KCNIP4: variants seen among roughly 807,000 people sequenced by gnomAD.
KCNIP4 encodes Kv channel-interacting protein 4.
KCNIP4 carries 12 observed loss-of-function variants against 34.0 expected under a neutral mutation model. The observed-to-expected ratio is 0.35, with a 90% CI of 0.23 to 0.57. The LOEUF (loss-of-function observed/expected upper bound fraction) is 0.57. KCNIP4 is among the 20% of genes least tolerant of loss of function. The probability of loss-of-function intolerance (pLI) is 0.83; values close to 1 mark genes in which losing one functional copy is unlikely to be tolerated. For missense variants in KCNIP4, 238 were observed against 311.7 expected, an observed-to-expected ratio of 0.76 and a Z score of 1.78; for synonymous variants, 124 against 102.2, an observed-to-expected ratio of 1.21 and a Z score of -1.29.
intron 1 of KCNIP4, among the ~76,000 whole-genome samples, chr4:21,795,835 A>C (rs1230648840): frequency 1.3e-5 from 2 of 152,206 alleles, no homozygotes; most frequent in Non-Finnish European, 2.9e-5. Context: ...TGGGAGGCTG[A>C]GGCAGGTGGA....
intron 1 of KCNIP4, among the ~76,000 whole-genome samples, chr4:21,571,084 A>T (rs572288430): frequency 6.6e-6 from 1 of 152,232 alleles, no homozygotes; most frequent in South Asian, 2.1e-4. Flanking sequence ...TCACCTCAAG[A>T]CTCAAGTGCC....
At chr4:21,078,128 G>C (rs1251988783) in intron 1 of KCNIP4, among the ~76,000 whole-genome samples, 1 of 152,018 alleles carries the variant, frequency 6.6e-6, no homozygotes, top group African/African-American at 2.4e-5. Flanking sequence ...TGAGTAAAAT[G>C]ATGACACATA....
At chr4:21,779,628 G>A (rs552111057) in intron 1 of KCNIP4, among the ~76,000 whole-genome samples, 2 of 152,250 alleles carry the variant, frequency 1.3e-5, no homozygotes, top group South Asian at 4.1e-4. Context: ...AATGGAACCA[G>A]CACGATAGTT....
At chr4:21,859,576 C>T (rs184799342) in intron 1 of KCNIP4, among the ~76,000 whole-genome samples, 2 of 151,110 alleles carry the variant, frequency 1.3e-5, no homozygotes, top group East Asian at 3.9e-4. Flanking sequence ...TGCAGTGAGC[C>T]GAGATCGCGC....
chr4:21,905,754 A>C (rs1275562129), intron 1 of KCNIP4, among the ~76,000 whole-genome samples: 1 of 152,218 alleles, frequency 6.6e-6, no homozygotes, highest in Non-Finnish European at 1.5e-5. Flanking sequence ...CAGGTGTCAC[A>C]AATAAATGAG....
intron 1 of KCNIP4, among the ~76,000 whole-genome samples, chr4:21,383,721 T>C (rs753220426): frequency 6.6e-6 from 1 of 152,112 alleles, no homozygotes; most frequent in Admixed American, 6.6e-5. Context: ...TGCCTATTCA[T>C]TGGTTTTCCT....
At chr4:21,201,017 A>G (rs1756452891) in intron 1 of KCNIP4, among the ~76,000 whole-genome samples, 1 of 152,166 alleles carries the variant, frequency 6.6e-6, no homozygotes, top group Non-Finnish European at 1.5e-5. Flanking sequence ...CACCCAGTGA[A>G]TAAGAGGTTG....
chr4:20,729,943 T>TTTATATTAAAACAAAGC lies in KCNIP4; in HGVS notation c.*122_*138dup. 1 of 1,006,022 alleles carries TTTATATTAAAACAAAGC rather than the reference T, an allele frequency of 9.9e-7. No homozygotes were observed. Among genetic ancestry groups the TTTATATTAAAACAAAGC allele is most frequent in the Non-Finnish European group, 1.4e-6 (1 of 731,002 alleles). 62.3% of individuals were successfully genotyped at this position (1,006,022 alleles called of 1,614,324 possible). A position where few individuals can be genotyped will look rare whatever the true frequency, so the allele number is the denominator to read the frequency against. On this transcript the variant is annotated 3_prime_UTR_variant, in exon 9 of 9. Transcript: ENST00000382152. The stretch of plus-strand genomic sequence containing the variant: ...AAAGCTCAAATCTTTTGGGGATTGC[T>TTTATATTAAAACAAAGC]TTATATTAAAACAAAGCTTGTTTGC...
At chr4:20,949,570 G>A (rs559649885) in intron 1 of KCNIP4, among the ~76,000 whole-genome samples, 6 of 151,960 alleles carry the variant, frequency 3.9e-5, no homozygotes, top group Middle Eastern at 3.4e-3. Context: ...TATGTTTATC[G>A]CGGCACTATT....
intron 1 of KCNIP4, among the ~76,000 whole-genome samples, chr4:21,881,142 C>A (rs1002842000): frequency 2.0e-5 from 3 of 152,034 alleles, no homozygotes; most frequent in Non-Finnish European, 2.9e-5. Context: ...AAAAGAAATT[C>A]TCTTATTTCA....
intron 1 of KCNIP4, among the ~76,000 whole-genome samples, chr4:21,044,865 G>C (rs1041569978): frequency 6.6e-6 from 1 of 152,166 alleles, no homozygotes; most frequent in African/African-American, 2.4e-5. Context: ...TATGTAGCTA[G>C]AGATTAGGTT....
rs538778565 is a variant in KCNIP4 at position 21,009,937 on chromosome 4, G to A, written c.62-127228C>T. Among the ~76,000 whole-genome samples, 23 of 152,310 alleles carry A rather than the reference G, an allele frequency of 1.5e-4. No individual in the cohort carries two copies. The East Asian group carries it at 4.2e-3, about 28-fold the overall frequency. ...ACATCTGCCATAACAAAATACCAAA[G>A]ACTGGGTGGCTTAAACAACAGGTAT... On this transcript the variant is annotated intron_variant, in intron 1 of 8. Transcript: ENST00000382152.
chr4:21,340,920 C>G (rs1315162192), intron 1 of KCNIP4, among the ~76,000 whole-genome samples: 1 of 152,004 alleles, frequency 6.6e-6, no homozygotes, highest in African/African-American at 2.4e-5. Flanking sequence ...AATAGTATCC[C>G]AAAATATTAA....
intron 1 of KCNIP4, among the ~76,000 whole-genome samples, chr4:21,607,818 C>T (rs916978387): frequency 6.6e-6 from 1 of 152,032 alleles, no homozygotes; most frequent in Admixed American, 6.6e-5. Context: ...CTATGCTTAC[C>T]CTGAATTTTT....
At position 20,730,063 on chromosome 4, in the gene KCNIP4, T is replaced by G. The variant is rs1487809426; in HGVS notation, c.*19A>C. 4 of 1,604,590 alleles carry G rather than the reference T, an allele frequency of 2.5e-6. No individual in the cohort carries two copies. Among genetic ancestry groups the G allele is most frequent in the Non-Finnish European group, 3.4e-6 (4 of 1,176,824 alleles). On this transcript the variant is annotated 3_prime_UTR_variant, in exon 9 of 9. Transcript: ENST00000382152. ...AATAGTTCACATTTGTCTGTTGGAT[T>G]CAGGATCTATTTGACAAGTTAAATC...
chr4:21,677,582 G>T (rs1750008115), intron 1 of KCNIP4, among the ~76,000 whole-genome samples: 1 of 152,086 alleles, frequency 6.6e-6, no homozygotes, highest in East Asian at 1.9e-4. Context: ...CCACTCAAAG[G>T]CCTGTAGGGC....
At chr4:21,672,343 G>C (rs2109010298) in intron 1 of KCNIP4, among the ~76,000 whole-genome samples, 1 of 143,472 alleles carries the variant, frequency 7.0e-6, no homozygotes, top group Non-Finnish European at 1.5e-5. Flanking sequence ...GTGAGACCAT[G>C]GGAAAATTTC....
At chr4:20,884,851 C>T (rs556488502) in intron 1 of KCNIP4, among the ~76,000 whole-genome samples, 2 of 152,006 alleles carry the variant, frequency 1.3e-5, no homozygotes, top group Non-Finnish European at 2.9e-5. Flanking sequence ...CAGGTGCATG[C>T]CACCATGCCT....
chr4:21,170,436 C>T (rs1401516485), intron 1 of KCNIP4, among the ~76,000 whole-genome samples: 1 of 152,044 alleles, frequency 6.6e-6, no homozygotes, highest in Non-Finnish European at 1.5e-5. Flanking sequence ...CACTAAAAAG[C>T]AATATTTGGG....
Sources: allele counts gnomAD v4.1 joint callset (sites outside exome capture counted in the v4.1 genomes callset), GRCh38; gene constraint gnomAD v4.1.1; transcripts MANE v1.5; gene names NCBI Gene and HGNC (gene_info 2026-07-23, HGNC 2026-07-21).